LY6S: variants seen among roughly 807,000 people sequenced by gnomAD.
The protein encoded by LY6S is lymphocyte antigen 6 family member S.
At chr8:143,047,335 C>T in the LY6S span, among the ~76,000 whole-genome samples, 12,500 of 151,526 alleles carry the variant, frequency 0.082, 1,690 homozygotes, top group African/African-American at 0.29. Context: ...TTAGTAGAGA[C>T]GGGGTTTTAC....
the LY6S span, among the ~76,000 whole-genome samples, chr8:143,070,319 G>T: frequency 6.8e-6 from 1 of 146,222 alleles, no homozygotes; most frequent in Non-Finnish European, 1.5e-5. Context: ...AATTTGAGGG[G>T]GGCACAGTTC....
the LY6S span, among the ~76,000 whole-genome samples, chr8:143,058,187 A>T: frequency 6.6e-6 from 1 of 152,190 alleles, no homozygotes; most frequent in Non-Finnish European, 1.5e-5. Flanking sequence ...GTGCGGCGAC[A>T]AGAGATTGTA....
the LY6S span, among the ~76,000 whole-genome samples, chr8:143,060,823 A>G: frequency 6.6e-6 from 1 of 151,938 alleles, no homozygotes; most frequent in African/African-American, 2.4e-5. Context: ...TGAGACAGTA[A>G]CCAACTTAAG....
the LY6S span, among the ~76,000 whole-genome samples, chr8:143,062,808 A>AATG: frequency 0.025 from 3,844 of 152,006 alleles, 176 homozygotes; most frequent in African/African-American, 0.085. Flanking sequence ...GGGTATCAGG[A>AATG]ATGATGATGA....
chr8:143,074,076 T>C, the LY6S span, among the ~76,000 whole-genome samples: 2 of 152,256 alleles, frequency 1.3e-5, no homozygotes, highest in Admixed American at 1.3e-4. Flanking sequence ...TCTTTTCCTT[T>C]AGTTTCAGCA....
the LY6S span, among the ~76,000 whole-genome samples, chr8:143,070,424 ATATATATAT>A: frequency 5.6e-4 from 57 of 102,412 alleles, 5 homozygotes; most frequent in African/African-American, 3.0e-3. Flanking sequence ...ATATATATTT[ATATATATAT>A]TATATATATA....
At chr8:143,070,472 TATAAATA>T in the LY6S span, among the ~76,000 whole-genome samples, 2 of 39,938 alleles carry the variant, frequency 5.0e-5, no homozygotes, top group African/African-American at 1.5e-4. Context: ...ATAATATATA[TATAAATA>T]TATATATATA....
At chr8:143,063,064 C>G in the LY6S span, among the ~76,000 whole-genome samples, 1 of 152,304 alleles carries the variant, frequency 6.6e-6, no homozygotes, top group South Asian at 2.1e-4. Context: ...AAAATCTGGA[C>G]AAGTTCTGCC....
chr8:143,041,434 C>T, the LY6S span, among the ~76,000 whole-genome samples: 2 of 152,214 alleles, frequency 1.3e-5, no homozygotes, highest in East Asian at 3.9e-4. Flanking sequence ...CTCTCTTGTT[C>T]CCTGAACGTT....
At chr8:143,072,460 T>G in the LY6S span, among the ~76,000 whole-genome samples, 1 of 128,738 alleles carries the variant, frequency 7.8e-6, no homozygotes, top group African/African-American at 3.3e-5. Context: ...GATTCCTGTT[T>G]GAGGAGACAG....
chr8:143,068,937 C>G, the LY6S span, among the ~76,000 whole-genome samples: 1 of 152,132 alleles, frequency 6.6e-6, no homozygotes, highest in Non-Finnish European at 1.5e-5. Flanking sequence ...GCTCCCCGCA[C>G]CGCCCCAGGG....
chr8:143,057,491 G>A, the LY6S span: 113,614 of 680,476 alleles, frequency 0.17, 13,036 homozygotes, highest in African/African-American at 0.41. Flanking sequence ...CTTGTGATCC[G>A]CCCGCCCCGG....
the LY6S span, among the ~76,000 whole-genome samples, chr8:143,075,785 C>A: frequency 1.3e-5 from 2 of 152,202 alleles, no homozygotes; most frequent in Admixed American, 6.5e-5. This position sits in a 1 kb window ranked among gnomAD's most constrained non-coding sequence, Gnocchi z 4.1. Context: ...GCTTTTACTG[C>A]AGCCCAATAG....
chr8:143,051,953 CAG>C, the LY6S span, among the ~76,000 whole-genome samples: 4 of 139,672 alleles, frequency 2.9e-5, no homozygotes, highest in South Asian at 9.1e-4. Flanking sequence ...GCCTGGGTGA[CAG>C]AGTGAGACTC....
the LY6S span, among the ~76,000 whole-genome samples, chr8:143,045,137 T>C: frequency 6.6e-6 from 1 of 151,792 alleles, no homozygotes; most frequent in Admixed American, 6.6e-5. This position sits in a 1 kb window ranked among gnomAD's most constrained non-coding sequence, Gnocchi z 5.3. Flanking sequence ...AACACACCAG[T>C]CACCTCTGCC....
the LY6S span, among the ~76,000 whole-genome samples, chr8:143,061,840 G>T: frequency 2.2e-4 from 33 of 152,270 alleles, no homozygotes; most frequent in African/African-American, 7.9e-4. Flanking sequence ...CACCACACCT[G>T]GCCAGGTATT....
At chr8:143,065,560 A>T in the LY6S span, among the ~76,000 whole-genome samples, 2 of 145,934 alleles carry the variant, frequency 1.4e-5, no homozygotes, top group African/African-American at 5.0e-5. Flanking sequence ...GCAATAGAAT[A>T]TTTTTTTTTT....
At chr8:143,065,762 C>CT in the LY6S span, among the ~76,000 whole-genome samples, 510 of 148,936 alleles carry the variant, frequency 3.4e-3, 5 homozygotes, top group African/African-American at 7.6e-3. Flanking sequence ...TTCTTTCTTT[C>CT]TTTCTTTTCT....
chr8:143,064,227 A>C, the LY6S span, among the ~76,000 whole-genome samples: 1 of 152,188 alleles, frequency 6.6e-6, no homozygotes, highest in Non-Finnish European at 1.5e-5. Context: ...GATTAACAAA[A>C]CCCTGTTATG....
Sources: allele counts gnomAD v4.1 joint callset (sites outside exome capture counted in the v4.1 genomes callset), GRCh38; gene constraint gnomAD v4.1.1; non-coding constraint Gnocchi (gnomAD v3.1); transcripts MANE v1.5; gene names NCBI Gene and HGNC (gene_info 2026-07-23, HGNC 2026-07-21).